Variants in HLA-DQB2 observed in about 807,000 individuals in gnomAD.
The protein encoded by HLA-DQB2 is HLA class II histocompatibility antigen, DQ beta 2 chain.
HLA-DQB2 carries 24 observed loss-of-function variants against 29.2 expected under a neutral mutation model. That is an observed-to-expected ratio of 0.82 (90% CI 0.60 to 1.16). The LOEUF (loss-of-function observed/expected upper bound fraction) is 1.16. Ranked by LOEUF, HLA-DQB2 falls within the 50% of genes most tolerant of loss-of-function variation. The pLI, the probability that HLA-DQB2 is intolerant of heterozygous loss-of-function variation, is 0.00. For missense variants in HLA-DQB2, 273 were observed against 343.6 expected (o/e 0.79, Z 1.62); for synonymous variants, 104 against 133.1 (o/e 0.78, Z 1.51).
intron 1 of HLA-DQB2, 112 bp from the exon 2 acceptor site, chr6:32,762,038 C>T (rs1562231851): frequency 2.8e-6 from 4 of 1,413,488 alleles, no homozygotes; most frequent in Non-Finnish European, 3.8e-6. Flanking sequence ...CTGCGAAACC[C>T]GTCCACGCGA....
At chr6:32,756,982 G>A (rs1764313120) in intron 5 of HLA-DQB2, 5 of 1,276,900 alleles carry the variant, frequency 3.9e-6, no homozygotes, top group Non-Finnish European at 4.9e-6. Context: ...AACAGGCCAT[G>A]AACAGAGACC....
Position 32,758,896 on chromosome 6 carries a change from G to C in HLA-DQB2, c.600C>G (p.Cys200Trp). Residue 200 changes from cysteine to tryptophan, a missense_variant, in exon 3 of 6, where the codon TGC becomes TGG. Physicochemically the swap from Cys to Trp is radical, Grantham distance 215. Transcript: ENST00000437316. ...ITPQRGDIYT[C>W]QVEHPSLQSP... ...TCTGGAGGCTGGGGTGCTCCACTTG[G>C]CAGGTGTAGATGTCTCCACGCTGGG... 6.2e-7 allele frequency: 1 copy of C among 1,614,096 alleles called. No homozygotes were observed. Among genetic ancestry groups the C allele is most frequent in the Non-Finnish European group, 8.5e-7 (1 of 1,180,028 alleles).
At chr6:32,757,231 C>A in intron 5 of HLA-DQB2, 50 bp downstream of exon 5, 1 of 1,550,132 alleles carries the variant, frequency 6.5e-7, no homozygotes, top group Non-Finnish European at 8.7e-7. Context: ...TGGCTCTTCC[C>A]TCTTATGCCT....
chr6:32,758,754 G>C (rs1204407700), intron 3 of HLA-DQB2, 96 bp downstream of exon 3: 1 of 1,408,320 alleles, frequency 7.1e-7, no homozygotes, highest in African/African-American at 1.4e-5. Context: ...GCTCAGTAGT[G>C]ATGTCAGGGA....
intron 2 of HLA-DQB2, among the ~76,000 whole-genome samples, chr6:32,761,237 T>A (rs900704440): frequency 0.035 from 4,124 of 117,436 alleles, no homozygotes; most frequent in Middle Eastern, 0.07. Flanking sequence ...CGGCGCGAGC[T>A]GTGCAAGTGG....
At position 32,756,933 on chromosome 6, in the gene HLA-DQB2, G is replaced by T. The variant is rs543918840; in HGVS notation, c.781+348C>A. On this transcript the variant is annotated intron_variant, in intron 5 of 5. Transcript: ENST00000437316. ...CAATCTCTGGAGATTCGTAGAAACT[G>T]GCAAACTTTTCCCCTAAGTCTTAAC... 5 of 1,216,734 alleles carry T rather than the reference G, an allele frequency of 4.1e-6. No individual in the cohort carries two copies. In the Admixed American group the frequency reaches 1.2e-4, roughly 29 times the overall value. The allele number at this position is 1,216,734 out of a possible 1,614,324, so 75.4% of individuals were successfully genotyped here. A position where few individuals can be genotyped will look rare whatever the true frequency, so the allele number is the denominator to read the frequency against.
chr6:32,756,292 C>T lies in HLA-DQB2; in HGVS notation c.*161G>A, dbSNP rs1764256898. 1.5e-6 allele frequency: 1 copy of T among 655,842 alleles called. No homozygotes were observed. Among genetic ancestry groups the T allele is most frequent in the Non-Finnish European group, 2.8e-6 (1 of 356,292 alleles). 40.6% of individuals were successfully genotyped at this position (655,842 alleles called of 1,614,324 possible). The stretch of plus-strand genomic sequence containing the variant: ...CAGGAAGCAGAGTCACCACCAGTGC[C>T]TTGGGATGGGGATCACAGAAGGTGA... On this transcript the variant is annotated 3_prime_UTR_variant, in exon 6 of 6. Transcript: ENST00000437316.
chr6:32,759,490 C>G (rs9276581), intron 2 of HLA-DQB2, among the ~76,000 whole-genome samples: 92,413 of 151,026 alleles, frequency 0.61, 28,543 homozygotes, highest in East Asian at 0.81. Context: ...TCTCAGAGCG[C>G]TGCTCATGGT....
intron 2 of HLA-DQB2, 110 bp downstream of exon 2, chr6:32,761,549 TG>T: frequency 8.1e-7 from 1 of 1,236,500 alleles, no homozygotes; most frequent in Non-Finnish European, 1.1e-6. Flanking sequence ...TCCTGTACCC[TG>T]GGATGGATCA....
Position 32,761,666 on chromosome 6 carries a change from G to C in HLA-DQB2, c.358C>G (p.Arg120Gly), listed in dbSNP as rs1249792995. The C allele has an allele frequency of 6.5e-7, 1 of 1,547,846 alleles. No homozygotes were observed. Among genetic ancestry groups the C allele is most frequent in the Admixed American group, 2.0e-5 (1 of 51,002 alleles). Reference protein sequence around the residue: ...YEAELRTTLQRQVEPTVTISP... With the variant: ...YEAELRTTLQGQVEPTVTISP... ...GAAGGACGACGACGCTCACCTTGCCGCTGCAAGGTCGTGCGCAGCTCCGCC... is the reference window on the plus strand; with the variant it reads ...GAAGGACGACGACGCTCACCTTGCCCCTGCAAGGTCGTGCGCAGCTCCGCC... The change falls in exon 2 of 6, where the codon CGG becomes GGG. Residue 120 changes from arginine (R) to glycine (G), a missense_variant. Transcript: ENST00000437316.
chr6:32,762,392 G>A (rs771010855), intron 1 of HLA-DQB2, among the ~76,000 whole-genome samples: 2 of 149,254 alleles, frequency 1.3e-5, no homozygotes, highest in Non-Finnish European at 3.0e-5. Context: ...TCATCCTGAT[G>A]TAAGTATTCT....
intron 3 of HLA-DQB2, 104 bp from the exon 4 acceptor site, chr6:32,757,987 C>A: frequency 9.3e-7 from 1 of 1,074,862 alleles, no homozygotes; most frequent in South Asian, 1.7e-5. Flanking sequence ...GTCTGACCAC[C>A]CTAGGGAAGA....
At chr6:32,761,532 G>T in intron 2 of HLA-DQB2, 128 bp downstream of exon 2, 1 of 1,068,238 alleles carries the variant, frequency 9.4e-7, no homozygotes, top group Non-Finnish European at 1.3e-6. Context: ...CCAAATCCCC[G>T]CCACCTTCCT....
Position 32,763,449 on chromosome 6 carries a change from C to T in HLA-DQB2, c.22G>A (p.Gly8Ser). MALQIPGGFWAAAVTVML... is the reference protein window; with the variant it reads MALQIPGSFWAAAVTVML... ...ACGGTCACAGCTGCTGCCCAAAAGC[C>T]TCCAGGGATCTGCAGAGCCATCTTC... The change falls in exon 1 of 6, where the codon GGC becomes AGC. Residue 8 changes from glycine (G) to serine (S), a missense_variant. Transcript: ENST00000437316. The T allele has an allele frequency of 1.3e-6, 2 of 1,558,780 alleles. No homozygotes were observed. Among genetic ancestry groups the T allele is most frequent in the Non-Finnish European group, 1.7e-6 (2 of 1,150,882 alleles).
At chr6:32,759,202 G>C in intron 2 of HLA-DQB2, 71 bp from the exon 3 acceptor site, 8 of 1,511,104 alleles carry the variant, frequency 5.3e-6, no homozygotes, top group Non-Finnish European at 7.2e-6. Context: ...CTGCTGTGAG[G>C]AAGGTCCCTC....
At chr6:32,763,014 A>G (rs182747471) in intron 1 of HLA-DQB2, among the ~76,000 whole-genome samples, 1 of 150,150 alleles carries the variant, frequency 6.7e-6, no homozygotes, top group East Asian at 2.0e-4. Flanking sequence ...GCTGCCTTAC[A>G]TTTTCCCAGT....
chr6:32,756,836 C>G, intron 5 of HLA-DQB2: 1 of 1,190,816 alleles, frequency 8.4e-7, no homozygotes, highest in Non-Finnish European at 1.0e-6. Context: ...TACTATCTCA[C>G]ATTCAAGATG....
chr6:32,763,377 G>A lies in HLA-DQB2; in HGVS notation c.94C>T (p.Pro32Ser). 6.4e-7 allele frequency: 1 copy of A among 1,553,006 alleles called. No homozygotes were observed. Among genetic ancestry groups the A allele is most frequent in the Non-Finnish European group, 8.7e-7 (1 of 1,146,034 alleles). The stretch of plus-strand genomic sequence containing the variant: ...AGAGCAGCTGCCCTGCACTTACTGG[G>A]AAAGTCTCTGGCCTCAGCCACTGGG... The part of the protein sequence containing the change: ...STPVAEARDF[P>S]KDFLVQFKGM... The change falls in exon 1 of 6, where the codon CCC becomes TCC. Residue 32 changes from proline to serine, a missense_variant. Pro to Ser is a moderately conservative substitution (Grantham distance 74, BLOSUM62 -1). Transcript: ENST00000437316.
intron 4 of HLA-DQB2, 35 bp downstream of exon 4, chr6:32,757,738 G>A (rs62396663): frequency 0.01 from 14,922 of 1,488,636 alleles, 79 homozygotes; most frequent in Non-Finnish European, 0.012. Flanking sequence ...CTGGGTCACA[G>A]CTCATCTTCC....
Sources: gnomAD v4.1 joint callset for allele counts (sites outside exome capture counted in the v4.1 genomes callset) on GRCh38, gnomAD v4.1.1 for gene constraint, MANE v1.5 for transcripts, NCBI Gene and HGNC (gene_info 2026-07-23, HGNC 2026-07-21) for gene names.